ZNF554: variants seen among roughly 807,000 people sequenced by gnomAD.
The protein encoded by ZNF554 is zinc finger protein 554.
In ZNF554, 15 loss-of-function variants were observed where a neutral mutation model predicts 21.2. That is an observed-to-expected ratio of 0.71 (90% CI 0.47 to 1.09). The LOEUF (loss-of-function observed/expected upper bound fraction) is 1.09, where lower values mean the gene tolerates loss of function less well. ZNF554 is among the 50% of genes least tolerant of loss of function. The pLI is 0.00. For synonymous variants in ZNF554, 258 were observed against 251.4 expected, an observed-to-expected ratio of 1.03 and a Z score of -0.25; for missense variants, 691 against 662.7, an observed-to-expected ratio of 1.04 and a Z score of -0.47.
Position 2,827,387 on chromosome 19 carries a change from C to A in ZNF554, c.127-230C>A, listed in dbSNP as rs552648416. Among the ~76,000 whole-genome samples the A allele has an allele frequency of 3.9e-5, 6 of 152,296 alleles. No homozygotes were observed. The East Asian group carries it at 1.2e-3, about 29-fold the overall frequency. Reference sequence around the variant, plus strand: ...TAAGAAATGGGCAAAATGTTTCATCCAGACCTGTGTGCTGGTCGTCCTTGT... The same window carrying A: ...TAAGAAATGGGCAAAATGTTTCATCAAGACCTGTGTGCTGGTCGTCCTTGT... On this transcript the variant is annotated intron_variant, in intron 2 of 4. Coordinates refer to ENST00000317243, the MANE Select transcript of ZNF554 (RefSeq NM_001102651.2).
At position 2,820,684 on chromosome 19, in the gene ZNF554, C is replaced by CTTTTTTTTTTTTTTTTTT. The variant is rs762586098; in HGVS notation, c.53+576_53+577insTTTTTTTTTTTTTTTTTT. Among the ~76,000 whole-genome samples the CTTTTTTTTTTTTTTTTTT allele has an allele frequency of 3.0e-4, 31 of 103,174 alleles. 1 individual carries two copies. The highest frequency in any genetic ancestry group is 4.4e-4 in the Non-Finnish European group (22 of 50,468). The allele number at this position is 103,174 out of a possible 152,430, so 67.7% of individuals were successfully genotyped here. A position where few individuals can be genotyped will look rare whatever the true frequency, so the allele number is the denominator to read the frequency against. On this transcript the variant is annotated intron_variant, in intron 1 of 4. Transcript: ENST00000317243. ...TCCTGGTGATAAGACAGCAAGGGTC[C>CTTTTTTTTTTTTTTTTTT]TTTTTTTTTTTTTTTTGAGACGGAG...
chr19:2,829,383 T>C (rs912742326), intron 3 of ZNF554, among the ~76,000 whole-genome samples: 1 of 146,998 alleles, frequency 6.8e-6, no homozygotes, highest in African/African-American at 2.5e-5. Flanking sequence ...CAGCAGTGGC[T>C]CACGCCTGTA....
At chr19:2,827,817 C>A in intron 3 of ZNF554, 74 bp downstream of exon 3, 1 of 1,562,912 alleles carries the variant, frequency 6.4e-7, no homozygotes, top group Non-Finnish European at 8.7e-7. Flanking sequence ...TCTCACACTG[C>A]TAATAAAGAA....
At chr19:2,823,138 G>A (rs1253241930) in intron 2 of ZNF554, 26 bp downstream of exon 2, 2 of 1,606,138 alleles carry the variant, frequency 1.2e-6, no homozygotes, top group East Asian at 2.2e-5. Flanking sequence ...TCTCCCAAAG[G>A]GCACCCAGTA....
chr19:2,826,394 G>A (rs2087334509), intron 2 of ZNF554: 3 of 151,410 alleles, frequency 2.0e-5, no homozygotes, highest in Admixed American at 2.0e-4. Context: ...AGTAGAGATG[G>A]GGTTTCACTA....
At position 2,834,783 on chromosome 19, in the gene ZNF554, C is replaced by T; in HGVS notation, c.1548C>T (p.Ser516=). Residue 516 remains serine (S), a synonymous_variant, in exon 5 of 5, where the codon AGC becomes AGT. Coordinates refer to ENST00000317243, the MANE Select transcript of ZNF554 (RefSeq NM_001102651.2). ...SLVTHQKTHS[S]QKTYKIIDCG... is the part of the protein sequence containing the mutation. ...TCACACATCAGAAAACTCACAGCAG[C>T]CAGAAAACCTATAAAATCATTGACT... 6.2e-7 allele frequency: 1 copy of T among 1,612,370 alleles called. No homozygotes were observed. The highest frequency in any genetic ancestry group is 8.5e-7 in the Non-Finnish European group (1 of 1,178,806).
At chr19:2,832,229 A>T (rs1457438987) in intron 3 of ZNF554, 74 bp from the exon 4 acceptor site, 5 of 1,443,240 alleles carry the variant, frequency 3.5e-6, no homozygotes, top group East Asian at 2.3e-5. Flanking sequence ...CCTGGCACAG[A>T]TCTGTAATTT....
Position 2,835,328 on chromosome 19 carries a change from CG to C in ZNF554, c.*479del, listed in dbSNP as rs1242955969. 1 of 155,770 alleles carries C rather than the reference CG, an allele frequency of 6.4e-6. No homozygotes were observed. Among genetic ancestry groups the C allele is most frequent in the African/African-American group, 2.4e-5 (1 of 41,374 alleles). The allele number at this position is 155,770 out of a possible 1,614,324, so 9.6% of individuals were successfully genotyped here. A position where few individuals can be genotyped will look rare whatever the true frequency, so the allele number is the denominator to read the frequency against. ...TCTACTAAAAATACAAAAAAGTAGC[CG>C]GGCGTGGTGGTGGGCGCCTGTAGTC... On this transcript the variant is annotated 3_prime_UTR_variant, in exon 5 of 5. Coordinates refer to ENST00000317243, the MANE Select transcript of ZNF554 (RefSeq NM_001102651.2).
chr19:2,825,341 C>T (rs559735754), intron 2 of ZNF554, among the ~76,000 whole-genome samples: 99 of 152,060 alleles, frequency 6.5e-4, no homozygotes, highest in African/African-American at 2.3e-3. Flanking sequence ...GACAGAGTTT[C>T]GCTCTGTTGC....
chr19:2,827,291 A>T (rs369568669), intron 2 of ZNF554, among the ~76,000 whole-genome samples: 11 of 152,286 alleles, frequency 7.2e-5, no homozygotes, highest in Middle Eastern at 3.4e-3. Context: ...TCATTTTCAG[A>T]ATCAGCAGGG....
At chr19:2,820,227 C>A in intron 1 of ZNF554, 103 bp downstream of exon 1, 1 of 1,068,278 alleles carries the variant, frequency 9.4e-7, no homozygotes. Context: ...ATGACCCTGT[C>A]GCGATAGGGT....
intron 3 of ZNF554, among the ~76,000 whole-genome samples, chr19:2,829,930 CT>C (rs1302586777): frequency 6.6e-6 from 1 of 151,764 alleles, no homozygotes; most frequent in Non-Finnish European, 1.5e-5. Flanking sequence ...CATTTCTTTT[CT>C]TTTCTTTTTT....
At chr19:2,832,527 G>A in intron 4 of ZNF554, 33 bp downstream of exon 4, 1 of 1,553,590 alleles carries the variant, frequency 6.4e-7, no homozygotes, top group Admixed American at 2.1e-5. Flanking sequence ...CCATTGGGAT[G>A]GCAGTGGCAT....
At chr19:2,825,018 T>G (rs12976106) in intron 2 of ZNF554, among the ~76,000 whole-genome samples, 48,657 of 133,750 alleles carry the variant, frequency 0.36, 7,405 homozygotes, top group South Asian at 0.51. Context: ...TTTTTTTTTT[T>G]TTTTTTTTTT....
intron 3 of ZNF554, 90 bp downstream of exon 3, chr19:2,827,833 CA>C: frequency 2.0e-6 from 3 of 1,501,790 alleles, no homozygotes; most frequent in Non-Finnish European, 2.7e-6. Flanking sequence ...AAGAAATACC[CA>C]AGACTGGGTA....
rs984995683 is a variant in ZNF554 at position 2,821,260 on chromosome 19, T to G, written c.53+1136T>G. On this transcript the variant is annotated intron_variant, in intron 1 of 4. Transcript: ENST00000317243. The surrounding 1 kb of genome is among the most constrained non-coding windows in gnomAD (Gnocchi z 8.2). ...CGCCACCCCGCCTGGCTAATTTTTA[T>G]ATTTTTAGTAGATACAGAGTTTCTC... is the stretch of plus-strand genomic sequence containing the variant. Among the ~76,000 whole-genome samples, 2 of 151,602 alleles carry G rather than the reference T, an allele frequency of 1.3e-5. No individual in the cohort carries two copies. Among genetic ancestry groups the G allele is most frequent in the African/African-American group, 4.9e-5 (2 of 40,996 alleles).
intron 2 of ZNF554, among the ~76,000 whole-genome samples, chr19:2,824,118 T>C (rs10424313): frequency 0.79 from 120,642 of 152,178 alleles, 48,178 homozygotes; most frequent in East Asian, 1. Flanking sequence ...TTCCTGAGAC[T>C]CCTGAGGGTG....
At position 2,833,872 on chromosome 19, in the gene ZNF554, CAGG is replaced by C. The variant is rs754348585; in HGVS notation, c.640_642del (p.Glu214del). ...ATCCCTTCACGTAGTGGCCGTTCCT[CAGG>C]AGAAGGCTACTGCATGGCATGGATT... On this transcript the variant is annotated inframe_deletion, in exon 5 of 5. Transcript: ENST00000317243. The C allele has an allele frequency of 6.2e-7, 1 of 1,613,034 alleles. No homozygotes were observed.
rs73526343 is a variant in ZNF554 at position 2,835,239 on chromosome 19, G to A, written c.*387G>A. 35,410 of 169,964 alleles carry A rather than the reference G, an allele frequency of 0.21. 4,679 individuals carry two copies. The highest frequency in any genetic ancestry group is 0.46 in the East Asian group (2,989 of 6,446). The allele number at this position is 169,964 out of a possible 1,614,324, so 10.5% of individuals were successfully genotyped here. A position where few individuals can be genotyped will look rare whatever the true frequency, so the allele number is the denominator to read the frequency against. ...TATAATCCTAACACTTTAGGAGGCC[G>A]AGGCGGGTGGATCATGAGGTCAGGA... is the stretch of plus-strand genomic sequence containing the variant. On this transcript the variant is annotated 3_prime_UTR_variant, in exon 5 of 5. Coordinates refer to ENST00000317243, the MANE Select transcript of ZNF554 (RefSeq NM_001102651.2).
Sources: allele counts gnomAD v4.1 joint callset (sites outside exome capture counted in the v4.1 genomes callset), GRCh38; gene constraint gnomAD v4.1.1; non-coding constraint Gnocchi (gnomAD v3.1); transcripts MANE v1.5; gene names NCBI Gene and HGNC (gene_info 2026-07-23, HGNC 2026-07-21).